PRG4: variants seen among roughly 807,000 people sequenced by gnomAD.
PRG4 encodes the protein proteoglycan 4.
A neutral mutation model predicts 91.2 loss-of-function variants in PRG4; 61 were observed. That is an observed-to-expected ratio of 0.67 (90% confidence interval 0.54 to 0.83). PRG4 has a LOEUF of 0.83. Among genes scored for constraint, PRG4 ranks in the 40% least tolerant of loss-of-function variants. The pLI is 0.00. For synonymous variants in PRG4, 576 were observed against 614.2 expected (o/e 0.94, Z 0.92); for missense variants, 1,564 against 1,714.2 (o/e 0.91, Z 1.55).
At position 186,308,498 on chromosome 1, in the gene PRG4, A is replaced by G. The variant is rs1656913851; in HGVS notation, c.2779A>G (p.Thr927Ala). The change falls in exon 7 of 13, where the codon ACA (threonine) becomes GCA (alanine). Residue 927 changes from threonine (T) to alanine (A), a missense_variant. By Grantham distance (58) the Thr-to-Ala change is moderately conservative. Transcript: ENST00000445192. Reference sequence around the variant, plus strand: ...GACAACAGAAAGAGACTTACGTACTACACCTGAAACTACAACTGCTGCACC... The same window carrying G: ...GACAACAGAAAGAGACTTACGTACTGCACCTGAAACTACAACTGCTGCACC... ...DKTTERDLRTTPETTTAAPKM... is the reference protein window; with the variant it reads ...DKTTERDLRTAPETTTAAPKM... 1.2e-6 allele frequency: 2 copies of G among 1,613,856 alleles called. No individual in the cohort carries two copies. Among genetic ancestry groups the G allele is most frequent in the African/African-American group, 2.7e-5 (2 of 75,052 alleles).
rs770837321 is a variant in PRG4 at position 186,311,558 on chromosome 1, A to G, written c.3755A>G (p.Tyr1252Cys). ...QIVAALSTAK[Y>C]KNWPESVYFF... ...GTGGCAGCGCTTTCAACAGCTAAAT[A>G]TAAGAACTGGCCTGAATCTGTGTAT... The change falls in exon 10 of 13, where the codon TAT becomes TGT. Residue 1252 changes from tyrosine (Y) to cysteine (C), a missense_variant. Physicochemically the swap from Tyr to Cys is radical, Grantham distance 194. Transcript: ENST00000445192. 30 of 1,613,988 alleles carry G rather than the reference A, an allele frequency of 1.9e-5. 1 individual carries two copies. Among genetic ancestry groups the G allele is most frequent in the South Asian group, 1.1e-4 (10 of 91,088 alleles).
intron 2 of PRG4, among the ~76,000 whole-genome samples, chr1:186,299,149 G>A (rs964099040): frequency 1.3e-5 from 2 of 152,224 alleles, no homozygotes; most frequent in East Asian, 3.8e-4. Flanking sequence ...GGGTTTTAAG[G>A]TGGTGTTTTC....
In PRG4 at chr1:186,307,919, G is replaced by C; in HGVS notation, c.2200G>C (p.Ala734Pro). Residue 734 changes from alanine to proline, a missense_variant, in exon 7 of 13, where the codon GCA (alanine) becomes CCA (proline). Transcript: ENST00000445192. ...TPKKPAPKEL[A>P]PTTTKEPTST... ...CAAGAAGCCTGCCCCCAAGGAGCTT[G>C]CACCCACCACCACCAAGGAGCCCAC... The C allele has an allele frequency of 6.2e-7, 1 of 1,605,728 alleles. No individual in the cohort carries two copies. The highest frequency in any genetic ancestry group is 8.5e-7 in the Non-Finnish European group (1 of 1,177,588).
chr1:186,312,963 A>G (rs1458540222), intron 12 of PRG4, 69 bp downstream of exon 12: 2 of 1,498,784 alleles, frequency 1.3e-6, no homozygotes, highest in East Asian at 4.5e-5. Context: ...TAAAGTAAAA[A>G]TGCTGGCTGC....
chr1:186,301,285 A>G (rs1477552228), intron 3 of PRG4, among the ~76,000 whole-genome samples: 1 of 152,210 alleles, frequency 6.6e-6, no homozygotes, highest in African/African-American at 2.4e-5. Flanking sequence ...CTATCTCACT[A>G]TCTAGACATT....
intron 3 of PRG4, among the ~76,000 whole-genome samples, chr1:186,300,866 T>A (rs1486168752): frequency 4.6e-5 from 7 of 152,230 alleles, no homozygotes; most frequent in Non-Finnish European, 8.8e-5. Flanking sequence ...TAATTAAAGT[T>A]ATTTGAAAGG....
Position 186,307,420 on chromosome 1 carries a change from G to T in PRG4, c.1701G>T (p.Glu567Asp). ...AGCCTGCACCCACCACTCCCAAGGA[G>T]CCTGCACCCACCACCCCCAAGAAGC... ...TKEPAPTTPK[E>D]PAPTTPKKPA... is the part of the protein sequence containing the mutation. Residue 567 changes from glutamate (E) to aspartate (D), a missense_variant, in exon 7 of 13, where the codon GAG becomes GAT. Glu to Asp is a conservative substitution (Grantham distance 45). Coordinates refer to ENST00000445192, the MANE Select transcript of PRG4 (RefSeq NM_005807.6). 6.3e-7 allele frequency: 1 copy of T among 1,579,500 alleles called. No homozygotes were observed. Among genetic ancestry groups the T allele is most frequent in the African/African-American group, 1.5e-5 (1 of 67,346 alleles).
Position 186,296,925 on chromosome 1 carries a change from T to C in PRG4, c.50T>C (p.Phe17Ser), listed in dbSNP as rs1331456860. Residue 17 changes from phenylalanine to serine, a missense_variant, in exon 2 of 13, where the codon TTC (phenylalanine) becomes TCC (serine). Transcript: ENST00000445192. ...PIYLLLLLSV[F>S]VIQQVSSQDL... is the part of the protein sequence containing the mutation. The stretch of plus-strand genomic sequence containing the variant: ...TACCTGTTGTTGCTGCTGTCTGTTT[T>C]CGTGATTCAGCAAGTTTCATCTCAA... 6.2e-7 allele frequency: 1 copy of C among 1,614,044 alleles called. No individual in the cohort carries two copies. The highest frequency in any genetic ancestry group is 1.7e-5 in the Admixed American group (1 of 60,028).
At chr1:186,304,999 G>A in intron 6 of PRG4, 77 bp downstream of exon 6, 3 of 1,455,012 alleles carry the variant, frequency 2.1e-6, no homozygotes, top group Non-Finnish European at 2.9e-6. Flanking sequence ...AATGCGTGTT[G>A]GCAGAATGAG....
chr1:186,308,458 A>G lies in PRG4; in HGVS notation c.2739A>G (p.Thr913=). The change falls in exon 7 of 13, where the codon ACA becomes ACG. Residue 913 remains threonine (T), a synonymous_variant. Transcript: ENST00000445192. ...CAGCGACTAAACCTGAAATGACTACAACAGCTAAAGACAAGACAACAGAAA... is the reference window on the plus strand; with the variant it reads ...CAGCGACTAAACCTGAAATGACTACGACAGCTAAAGACAAGACAACAGAAA... ...TPAATKPEMT[T]TAKDKTTERD... 1 of 1,613,944 alleles carries G rather than the reference A, an allele frequency of 6.2e-7. No homozygotes were observed. Among genetic ancestry groups the G allele is most frequent in the Non-Finnish European group, 8.5e-7 (1 of 1,180,036 alleles).
chr1:186,309,101 G>A lies in PRG4; in HGVS notation c.3382G>A (p.Val1128Ile), dbSNP rs767671342. The change falls in exon 7 of 13, where the codon GTA becomes ATA. Residue 1128 changes from valine to isoleucine, a missense_variant. Val to Ile is a conservative substitution (Grantham distance 29). This residue lies in a region of PRG4 where 1,079 missense variants were observed against 1,162.2 expected (regional missense o/e 0.93). Coordinates refer to ENST00000445192, the MANE Select transcript of PRG4 (RefSeq NM_005807.6). Reference sequence around the variant, plus strand: ...TCCCGACATGGATTACTTACCGAGAGTACCCAATCAAGGCATTATCATCAA... The same window carrying A: ...TCCCGACATGGATTACTTACCGAGAATACCCAATCAAGGCATTATCATCAA... ...VTPDMDYLPR[V>I]PNQGIIINPM... is the part of the protein sequence containing the mutation. 25 of 1,613,762 alleles carry A rather than the reference G, an allele frequency of 1.5e-5. No homozygotes were observed. The Admixed American group carries it at 1.8e-4, about 12-fold the overall frequency.
chr1:186,312,001 G>C (rs4650698), intron 10 of PRG4, 174 bp from the exon 11 acceptor site: 1 of 595,418 alleles, frequency 1.7e-6, no homozygotes, highest in Non-Finnish European at 2.9e-6. Flanking sequence ...AAGTATTTCA[G>C]TTTAATAATT....
chr1:186,300,651 T>G (rs1439582342), intron 3 of PRG4, among the ~76,000 whole-genome samples: 1 of 152,198 alleles, frequency 6.6e-6, no homozygotes, highest in Non-Finnish European at 1.5e-5. Context: ...AATAATCTTG[T>G]CTACCATTGG....
chr1:186,301,571 T>A, intron 3 of PRG4, 21 bp from the exon 4 acceptor site: 1 of 1,613,614 alleles, frequency 6.2e-7, no homozygotes. Context: ...AATCTGTAAC[T>A]TCTTGTTTTG....
chr1:186,296,903 C>G lies in PRG4; in HGVS notation c.28C>G (p.Leu10Val). 3.7e-6 allele frequency: 6 copies of G among 1,613,970 alleles called. No individual in the cohort carries two copies. The highest frequency in any genetic ancestry group is 5.1e-6 in the Non-Finnish European group (6 of 1,179,894). The change falls in exon 2 of 13, where the codon CTG becomes GTG. Residue 10 changes from leucine to valine, a missense_variant. By Grantham distance (32) the Leu-to-Val change is conservative. Transcript: ENST00000445192. MAWKTLPIY[L>V]LLLLSVFVIQ... Reference sequence around the variant, plus strand: ...GGCATGGAAAACACTTCCCATTTACCTGTTGTTGCTGCTGTCTGTTTTCGT... The same window carrying G: ...GGCATGGAAAACACTTCCCATTTACGTGTTGTTGCTGCTGTCTGTTTTCGT...
chr1:186,298,540 G>T (rs1655997686), intron 2 of PRG4, among the ~76,000 whole-genome samples: 1 of 150,910 alleles, frequency 6.6e-6, no homozygotes, highest in Admixed American at 6.6e-5. Flanking sequence ...TCCCAGTCTG[G>T]AGTGCAGTGG....
At chr1:186,302,679 C>T (rs1490707106) in intron 4 of PRG4, among the ~76,000 whole-genome samples, 2 of 152,146 alleles carry the variant, frequency 1.3e-5, no homozygotes, top group African/African-American at 4.8e-5. Flanking sequence ...GAAGACAACA[C>T]CCTTGTAATA....
chr1:186,312,739 G>T (rs748574099), intron 11 of PRG4, 30 bp from the exon 12 acceptor site: 17 of 1,607,664 alleles, frequency 1.1e-5, no homozygotes, highest in Admixed American at 1.7e-5. Flanking sequence ...CTTTTAATCT[G>T]GTATCTTTTA....
intron 7 of PRG4, 104 bp downstream of exon 7, chr1:186,309,244 C>A (rs1656991709): frequency 8.4e-7 from 1 of 1,197,604 alleles, no homozygotes; most frequent in Non-Finnish European, 1.2e-6. Flanking sequence ...AGATATATTA[C>A]CTGACCTTGT....
Sources: allele counts gnomAD v4.1 joint callset (sites outside exome capture counted in the v4.1 genomes callset), GRCh38; gene constraint gnomAD v4.1.1; regional missense constraint gnomAD v4.1.1; transcripts MANE v1.5; gene names NCBI Gene and HGNC (gene_info 2026-07-23, HGNC 2026-07-21).